Variants in ASAP3 observed in about 807,000 individuals in gnomAD.
ASAP3 encodes arf-GAP with SH3 domain, ANK repeat and PH domain-containing protein 3.
In ASAP3, 85 loss-of-function variants were observed where a neutral mutation model predicts 118.2. The observed-to-expected ratio is 0.72, with a 90% CI of 0.60 to 0.86. The LOEUF is 0.86. Ranked by LOEUF, ASAP3 falls within the 40% of genes least tolerant of loss-of-function variation. The pLI is 0.00. For missense variants in ASAP3, 1,026 were observed against 1,175.0 expected, an observed-to-expected ratio of 0.87 and a Z score of 1.85; for synonymous variants, 432 against 477.4, an observed-to-expected ratio of 0.90 and a Z score of 1.24.
intron 3 of ASAP3, 144 bp downstream of exon 3, chr1:23,455,737 G>A (rs1558152182): frequency 1.0e-6 from 1 of 988,406 alleles, no homozygotes; most frequent in Admixed American, 2.3e-5. Flanking sequence ...AAGGGTCAGG[G>A]CTGGAAAGGG....
At chr1:23,448,647 A>C (rs971860218) in intron 5 of ASAP3, among the ~76,000 whole-genome samples, 4 of 151,816 alleles carry the variant, frequency 2.6e-5, no homozygotes, top group African/African-American at 9.7e-5. Flanking sequence ...CAATTTTTTA[A>C]ATAGAGGCAA....
rs750972287 is a variant in ASAP3, at chr1:23,436,978, TCG to T, written c.1407_1408del (p.Glu470ThrfsTer34). On this transcript the variant is annotated frameshift_variant, in exon 15 of 25. Coordinates refer to ENST00000336689, the MANE Select transcript of ASAP3 (RefSeq NM_017707.4). LOFTEE classifies it high-confidence loss of function. This position sits in a 1 kb window ranked among gnomAD's most constrained non-coding sequence, Gnocchi z 4.2. ...CATGCGCGAAAAGCGCACGCCCAGT[TCG>T]CGGTGGACGCCCGAGCACTGGATGC... The T allele has an allele frequency of 1.2e-6, 2 of 1,612,544 alleles. No homozygotes were observed. The highest frequency in any genetic ancestry group is 2.2e-5 in the South Asian group (2 of 90,990).
At chr1:23,451,911 C>T (rs1641228502) in intron 4 of ASAP3, among the ~76,000 whole-genome samples, 1 of 152,224 alleles carries the variant, frequency 6.6e-6, no homozygotes, top group South Asian at 2.1e-4. Flanking sequence ...CCCTGCCTAA[C>T]TTTAGCCCAG....
In ASAP3 at chr1:23,464,659, T is replaced by TAA. The variant is rs57655847; in HGVS notation, c.130-8467_130-8466dup. On this transcript the variant is annotated intron_variant, in intron 1 of 24. Transcript: ENST00000336689. ...TGAGTGACAGAATGAGACACTGTCT[T>TAA]AAAAAAAAAAAAAAAAAAAAAAAAA... is the stretch of plus-strand genomic sequence containing the variant. 3.0e-3 allele frequency among the ~76,000 whole-genome samples: 143 copies of TAA among 47,092 alleles called. 5 individuals are homozygous for TAA. The highest frequency in any genetic ancestry group is 7.3e-3 in the African/African-American group (71 of 9,784). The allele number at this position is 47,092 out of a possible 152,430, so 30.9% of individuals were successfully genotyped here.
chr1:23,464,664 A>T (rs1262903312), intron 1 of ASAP3, among the ~76,000 whole-genome samples: 2 of 14,788 alleles, frequency 1.4e-4, no homozygotes, highest in Admixed American at 1.5e-3. Flanking sequence ...TGTCTTAAAA[A>T]AAAAAAAAAA....
intron 1 of ASAP3, among the ~76,000 whole-genome samples, chr1:23,476,870 G>A (rs531787108): frequency 4.0e-4 from 58 of 146,004 alleles, no homozygotes; most frequent in Non-Finnish European, 6.7e-4. Context: ...CTCCTTTTTA[G>A]TTTTTTTTTT....
chr1:23,452,065 C>G (rs1362918408), intron 4 of ASAP3, among the ~76,000 whole-genome samples: 1 of 152,226 alleles, frequency 6.6e-6, no homozygotes, highest in East Asian at 1.9e-4. Flanking sequence ...TTGCCTAAGC[C>G]TCATCCAGCC....
Position 23,436,942 on chromosome 1 carries a change from G to A in ASAP3, c.1445C>T (p.Thr482Ile). Reference protein sequence around the residue: ...GVRFSRMQSLTLDLLGPSELL... With the variant: ...GVRFSRMQSLILDLLGPSELL... ...CTCGGAGGGGCCCAGCAGGTCCAAG[G>A]TGAGTGACTGCATGCGCGAAAAGCG... The change falls in exon 15 of 25, where the codon ACC (threonine) becomes ATC (isoleucine). Residue 482 changes from threonine to isoleucine, a missense_variant. By Grantham distance (89) the Thr-to-Ile change is moderately conservative. Transcript: ENST00000336689. The surrounding 1 kb of genome is among the most constrained non-coding windows in gnomAD (Gnocchi z 4.2). The A allele has an allele frequency of 1.2e-6, 2 of 1,612,422 alleles. No homozygotes were observed. Among genetic ancestry groups the A allele is most frequent in the Non-Finnish European group, 1.7e-6 (2 of 1,179,856 alleles).
chr1:23,432,966 G>A (rs1640491348), intron 22 of ASAP3, 111 bp downstream of exon 22: 2 of 1,219,736 alleles, frequency 1.6e-6, no homozygotes, highest in Non-Finnish European at 2.3e-6. Context: ...CTTCCTGGGA[G>A]GTCATCATAA....
At chr1:23,442,446 G>A in intron 6 of ASAP3, 55 bp downstream of exon 6, 1 of 1,600,304 alleles carries the variant, frequency 6.2e-7, no homozygotes, top group South Asian at 1.1e-5. Context: ...CCCTGGAGAG[G>A]CAGACAGGAA....
chr1:23,444,700 C>T (rs576007975), intron 5 of ASAP3, among the ~76,000 whole-genome samples: 4 of 152,352 alleles, frequency 2.6e-5, no homozygotes, highest in East Asian at 3.9e-4. Flanking sequence ...CAGGTCCCTT[C>T]TGACTCTAAA....
chr1:23,462,185 G>A (rs916106159), intron 1 of ASAP3, among the ~76,000 whole-genome samples: 13 of 151,664 alleles, frequency 8.6e-5, no homozygotes, highest in Non-Finnish European at 1.5e-4. Context: ...CACCACGCCC[G>A]GCTAATTTTT....
At chr1:23,464,617 G>A (rs932236124) in intron 1 of ASAP3, among the ~76,000 whole-genome samples, 2 of 124,284 alleles carry the variant, frequency 1.6e-5, no homozygotes, top group Non-Finnish European at 3.2e-5. Flanking sequence ...CTATAATCAT[G>A]CCACTGCACT....
At chr1:23,440,670 CAT>C (rs745926179) in intron 10 of ASAP3, among the ~76,000 whole-genome samples, 5 of 150,558 alleles carry the variant, frequency 3.3e-5, no homozygotes, top group Non-Finnish European at 5.9e-5. Context: ...TCCTGGCTAA[CAT>C]AGTGAAACCC....
intron 1 of ASAP3, among the ~76,000 whole-genome samples, chr1:23,457,578 A>C (rs958368346): frequency 6.6e-6 from 1 of 152,234 alleles, no homozygotes; most frequent in African/African-American, 2.4e-5. Flanking sequence ...GTGCAGTTGC[A>C]CAATCTTGGC....
intron 1 of ASAP3, among the ~76,000 whole-genome samples, chr1:23,468,352 A>G (rs1349619741): frequency 6.6e-6 from 1 of 152,192 alleles, no homozygotes; most frequent in East Asian, 1.9e-4. Context: ...TCTATGATCA[A>G]TAAGACACAG....
Position 23,437,586 on chromosome 1 carries a change from C to CG in ASAP3, c.1103-115dup. On this transcript the variant is annotated intron_variant, in intron 12 of 24. Coordinates refer to ENST00000336689, the MANE Select transcript of ASAP3 (RefSeq NM_017707.4). The surrounding 1 kb of genome is among the most constrained non-coding windows in gnomAD (Gnocchi z 6.1). ...ACATGGAGATGTGTCCCTGACAAGT[C>CG]GGACTCTCAAGCTAGGAGTGGGAAG... The CG allele has an allele frequency of 7.6e-7, 1 of 1,322,786 alleles. No individual in the cohort carries two copies. The highest frequency in any genetic ancestry group is 2.2e-5 in the Admixed American group (1 of 46,132). The allele number at this position is 1,322,786 out of a possible 1,614,324, so 81.9% of individuals were successfully genotyped here.
At chr1:23,465,309 C>T (rs558766106) in intron 1 of ASAP3, among the ~76,000 whole-genome samples, 2 of 152,192 alleles carry the variant, frequency 1.3e-5, no homozygotes, top group Admixed American at 6.5e-5. Context: ...CCTCTGCCGC[C>T]GGGCAGGGAG....
upstream of ASAP3, chr1:23,484,395 G>T (rs1570431611): frequency 4.2e-6 from 1 of 237,394 alleles, no homozygotes; most frequent in Non-Finnish European, 7.1e-6. Flanking sequence ...CCGCTTCCCC[G>T]GCCCCTCGCC....
Sources: allele counts gnomAD v4.1 joint callset (sites outside exome capture counted in the v4.1 genomes callset), GRCh38; gene constraint gnomAD v4.1.1; non-coding constraint Gnocchi (gnomAD v3.1); transcripts MANE v1.5; gene names NCBI Gene and HGNC (gene_info 2026-07-23, HGNC 2026-07-21).